The following DLEU7 variants were observed in gnomAD, a reference collection of about 807,000 sequenced individuals.
DLEU7 encodes leukemia-associated protein 7.
A neutral mutation model predicts 16.0 loss-of-function variants in DLEU7; 17 were observed. The observed-to-expected ratio is 1.06, with a 90% CI of 0.73 to 1.59. The LOEUF (loss-of-function observed/expected upper bound fraction) is 1.59, where lower values mean the gene tolerates loss of function less well. DLEU7 is among the 40% of genes most tolerant of loss of function. The probability of loss-of-function intolerance (pLI) is 0.00; values close to 1 mark genes in which losing one functional copy is unlikely to be tolerated. For synonymous variants in DLEU7, 113 were observed against 139.8 expected (o/e 0.81, Z 1.35); for missense variants, 308 against 314.9 (o/e 0.98, Z 0.17).
chr13:50,732,837 A>G (rs2137718048), intron 1 of DLEU7, among the ~76,000 whole-genome samples: 1 of 152,280 alleles, frequency 6.6e-6, no homozygotes, highest in South Asian at 2.1e-4. Flanking sequence ...GAAACACAGT[A>G]TGCATAGTAA....
At chr13:50,760,343 C>G (rs1874892164) in intron 1 of DLEU7, among the ~76,000 whole-genome samples, 1 of 151,860 alleles carries the variant, frequency 6.6e-6, no homozygotes, top group Non-Finnish European at 1.5e-5. Flanking sequence ...CTTCAGTATT[C>G]TTTTTTTTGG....
At chr13:50,717,931 C>T (rs1381327705) in intron 1 of DLEU7, among the ~76,000 whole-genome samples, 1 of 152,172 alleles carries the variant, frequency 6.6e-6, no homozygotes, top group African/African-American at 2.4e-5. Context: ...AATGCCAAGA[C>T]ATTATAGATA....
intron 1 of DLEU7, among the ~76,000 whole-genome samples, chr13:50,732,348 C>T (rs2812241): frequency 0.19 from 29,078 of 151,962 alleles, 3,206 homozygotes; most frequent in African/African-American, 0.31. Context: ...TGGTGGCTCA[C>T]GCCTGTAATC....
intron 1 of DLEU7, among the ~76,000 whole-genome samples, chr13:50,799,499 T>C (rs1476010330): frequency 2.0e-5 from 3 of 152,194 alleles, no homozygotes; most frequent in African/African-American, 7.2e-5. Context: ...ATACAGACAA[T>C]TGTGCGTCTC....
intron 1 of DLEU7, among the ~76,000 whole-genome samples, chr13:50,757,841 C>G (rs922739394): frequency 1.3e-5 from 2 of 152,160 alleles, no homozygotes; most frequent in African/African-American, 4.8e-5. Flanking sequence ...CCAGGGCTAA[C>G]CAGCTGCTGA....
At position 50,713,349 on chromosome 13, in the gene DLEU7, G is replaced by C; in HGVS notation, c.460-109C>G. The C allele has an allele frequency of 8.9e-6, 12 of 1,347,258 alleles. No homozygotes were observed. In the South Asian group the frequency reaches 1.5e-4, roughly 17 times the overall value. The allele number at this position is 1,347,258 out of a possible 1,614,324, so 83.5% of individuals were successfully genotyped here. A position where few individuals can be genotyped will look rare whatever the true frequency, so the allele number is the denominator to read the frequency against. ...ATATTGCATTTTAGGAATGGCATTA[G>C]GTACTGGAGATATGGGCTAACACAC... On this transcript the variant is annotated intron_variant, in intron 1 of 1. Coordinates refer to the DLEU7 transcript ENST00000400393.
intron 1 of DLEU7, among the ~76,000 whole-genome samples, chr13:50,817,647 C>A (rs947851192): frequency 1.3e-5 from 2 of 152,108 alleles, no homozygotes; most frequent in African/African-American, 4.8e-5. Context: ...GAAAATGGAG[C>A]CAACTGTTGG....
chr13:50,843,931 T>C, upstream of DLEU7: 1 of 412,390 alleles, frequency 2.4e-6, no homozygotes. The surrounding 1 kb of genome is among the most constrained non-coding windows in gnomAD (Gnocchi z 5.7). Context: ...GCTTCTTCCC[T>C]CTCTCCAGGG....
At chr13:50,805,073 G>C (rs78670861) in intron 1 of DLEU7, among the ~76,000 whole-genome samples, 7,248 of 151,984 alleles carry the variant, frequency 0.048, 578 homozygotes, top group African/African-American at 0.16. Flanking sequence ...AGGATGTCTA[G>C]ATCAACGTCT....
chr13:50,748,228 C>CTTTTTTTTT lies in DLEU7; in HGVS notation c.460-34997_460-34989dup, dbSNP rs71085044. Among the ~76,000 whole-genome samples, 306 of 89,246 alleles carry CTTTTTTTTT rather than the reference C, an allele frequency of 3.4e-3. 2 individuals are homozygous for CTTTTTTTTT. The highest frequency in any genetic ancestry group is 0.016 in the East Asian group (40 of 2,560). 58.5% of individuals were successfully genotyped at this position (89,246 alleles called of 152,430 possible). On this transcript the variant is annotated intron_variant, in intron 1 of 1. Coordinates refer to the DLEU7 transcript ENST00000400393. ...TTACTTCTTACACAGACTCCTTAAA[C>CTTTTTTTTT]TTTTTTTTTTTTTTTTTTTTTTTGT...
At chr13:50,753,365 C>T (rs1378348032) in intron 1 of DLEU7, among the ~76,000 whole-genome samples, 1 of 152,176 alleles carries the variant, frequency 6.6e-6, no homozygotes, top group Non-Finnish European at 1.5e-5. Flanking sequence ...GGGGGCGGCG[C>T]TCGTTGGGGA....
At chr13:50,747,084 C>T (rs181445670) in intron 1 of DLEU7, among the ~76,000 whole-genome samples, 72 of 152,026 alleles carry the variant, frequency 4.7e-4, no homozygotes, top group African/African-American at 1.2e-3. Context: ...CCAGAATTCA[C>T]GAAAGATAGA....
chr13:50,800,277 G>T (rs1381230000), intron 1 of DLEU7, among the ~76,000 whole-genome samples: 1 of 152,140 alleles, frequency 6.6e-6, no homozygotes, highest in Non-Finnish European at 1.5e-5. Context: ...CCTATCTATG[G>T]CTAATGCTCA....
chr13:50,816,345 T>G (rs138746146), intron 1 of DLEU7, among the ~76,000 whole-genome samples: 163 of 152,230 alleles, frequency 1.1e-3, no homozygotes, highest in African/African-American at 3.7e-3. Context: ...TGCTATACAC[T>G]CATATACTTC....
intron 1 of DLEU7, among the ~76,000 whole-genome samples, chr13:50,753,575 G>T (rs969508056): frequency 1.4e-4 from 22 of 152,200 alleles, no homozygotes; most frequent in African/African-American, 5.3e-4. Context: ...ATTGCCCGGG[G>T]CCAGCAGGGC....
chr13:50,802,928 T>C (rs989120006), intron 1 of DLEU7, among the ~76,000 whole-genome samples: 4 of 152,212 alleles, frequency 2.6e-5, no homozygotes, highest in Non-Finnish European at 5.9e-5. Flanking sequence ...GCTTCTACAT[T>C]ATTACATAAT....
At chr13:50,725,605 A>G (rs958822349) in intron 1 of DLEU7, among the ~76,000 whole-genome samples, 6 of 152,160 alleles carry the variant, frequency 3.9e-5, no homozygotes, top group African/African-American at 1.4e-4. Flanking sequence ...GCATAATTTC[A>G]TGTTTTCATC....
At chr13:50,829,471 G>A (rs148816351) in intron 1 of DLEU7, among the ~76,000 whole-genome samples, 2 of 152,242 alleles carry the variant, frequency 1.3e-5, no homozygotes, top group African/African-American at 4.8e-5. Flanking sequence ...ACCCAAAGAA[G>A]ACTAAAATGC....
rs190950538 is a variant in DLEU7 at position 50,792,675 on chromosome 13, C to T, written c.459+50513G>A. On this transcript the variant is annotated intron_variant, in intron 1 of 1. Coordinates refer to the DLEU7 transcript ENST00000400393. ...TTAATGGTGTGCGCACTGTTTTTTA[C>T]GTCATTCCACTGTTGATAAGGTGTG... is the stretch of plus-strand genomic sequence containing the variant. 3.4e-4 allele frequency among the ~76,000 whole-genome samples: 52 copies of T among 152,246 alleles called. No individual in the cohort carries two copies. The East Asian group carries it at 7.1e-3, about 21-fold the overall frequency.
Sources: gnomAD v4.1 joint callset for allele counts (sites outside exome capture counted in the v4.1 genomes callset) on GRCh38, gnomAD v4.1.1 for gene constraint, Gnocchi (gnomAD v3.1) non-coding constraint, MANE v1.5 for transcripts, NCBI Gene and HGNC (gene_info 2026-07-23, HGNC 2026-07-21) for gene names.